Variants in STAG1 observed in about 807,000 individuals in gnomAD.
STAG1 encodes STAG1 cohesin complex component.
Under a neutral mutation model 170.9 loss-of-function variants are expected in STAG1, and 26 were observed. The observed-to-expected ratio is 0.15, with a 90% CI of 0.11 to 0.21. The LOEUF is 0.21. STAG1 is among the 10% of genes least tolerant of loss of function. The probability of loss-of-function intolerance (pLI) is 1.00; values close to 1 mark genes in which losing one functional copy is unlikely to be tolerated. For missense variants in STAG1, 964 were observed against 1,509.5 expected (o/e 0.64, Z 5.99); for synonymous variants, 514 against 497.7 (o/e 1.03, Z -0.44).
At chr3:136,566,707 A>G (rs1296461127) in intron 5 of STAG1, among the ~76,000 whole-genome samples, 1 of 152,222 alleles carries the variant, frequency 6.6e-6, no homozygotes, top group Non-Finnish European at 1.5e-5. Context: ...CCTATAGCTG[A>G]CGATTTGGCA....
intron 1 of STAG1, chr3:136,737,249 G>A (rs778906166): frequency 7.5e-5 from 46 of 617,394 alleles, no homozygotes; most frequent in African/African-American, 1.6e-4. Flanking sequence ...CAGCCACCAC[G>A]TGACCCCCAT....
chr3:136,591,564 A>C (rs544049005), intron 4 of STAG1: 2 of 442,096 alleles, frequency 4.5e-6, no homozygotes, highest in Admixed American at 5.0e-5. Context: ...TTGAAAAAAA[A>C]AAAAAAATTA....
chr3:136,563,552 T>G (rs1038573991), intron 5 of STAG1, among the ~76,000 whole-genome samples: 2 of 151,284 alleles, frequency 1.3e-5, no homozygotes, highest in African/African-American at 2.4e-5. Flanking sequence ...TCTCTCTCTC[T>G]CTCGCTCTTT....
chr3:136,514,413 C>T (rs930816303), intron 7 of STAG1, among the ~76,000 whole-genome samples: 1 of 152,200 alleles, frequency 6.6e-6, no homozygotes, highest in African/African-American at 2.4e-5. Context: ...CAGGAAACAA[C>T]AGATGCTAGA....
At chr3:136,463,770 T>TACACACAC (rs375928916) in intron 13 of STAG1, among the ~76,000 whole-genome samples, 9,304 of 126,216 alleles carry the variant, frequency 0.074, 428 homozygotes, top group Non-Finnish European at 0.11. Flanking sequence ...TGTGTGTGTA[T>TACACACAC]ACACACACAC....
intron 5 of STAG1, among the ~76,000 whole-genome samples, chr3:136,545,041 TTTTA>T (rs1218361962): frequency 2.0e-5 from 3 of 152,048 alleles, no homozygotes; most frequent in South Asian, 2.1e-4. Flanking sequence ...TCATCTAACT[TTTTA>T]TTTTTTTATT....
At chr3:136,578,713 T>A (rs956128234) in intron 4 of STAG1, among the ~76,000 whole-genome samples, 4 of 152,234 alleles carry the variant, frequency 2.6e-5, no homozygotes, top group African/African-American at 9.6e-5. Context: ...GCCATTGCAG[T>A]CCACCAGTTA....
rs115673357 is a variant in STAG1, at chr3:136,401,371, T to C, written c.2197-2542A>G. Among the ~76,000 whole-genome samples the C allele has an allele frequency of 8.5e-3, 1,299 of 152,278 alleles. 21 individuals carry two copies. Among genetic ancestry groups the C allele is most frequent in the African/African-American group, 0.03 (1,243 of 41,558 alleles). The stretch of plus-strand genomic sequence containing the variant: ...TTCTGATATTTGTCTCTCTGGAAAA[T>C]AGGGACAAAATCCTATTCCTGATGC... On this transcript the variant is annotated intron_variant, in intron 21 of 33. Coordinates refer to ENST00000383202, the MANE Select transcript of STAG1 (RefSeq NM_005862.3).
chr3:136,384,180 G>A (rs1297759018), intron 22 of STAG1, among the ~76,000 whole-genome samples: 1 of 152,046 alleles, frequency 6.6e-6, no homozygotes, highest in African/African-American at 2.4e-5. Context: ...GCTGGGTGTG[G>A]TGGCTCATGC....
At chr3:136,411,868 C>G (rs900243466) in intron 21 of STAG1, among the ~76,000 whole-genome samples, 8 of 151,052 alleles carry the variant, frequency 5.3e-5, no homozygotes, top group Non-Finnish European at 1.5e-5. Flanking sequence ...TTGCTTGAAC[C>G]CGGGAGGCGG....
chr3:136,541,401 C>T (rs1935892081), intron 6 of STAG1, among the ~76,000 whole-genome samples: 2 of 152,038 alleles, frequency 1.3e-5, no homozygotes, highest in Admixed American at 1.3e-4. Context: ...TTTACAATCA[C>T]TGTAAAACTG....
At chr3:136,615,424 CAAAAAAAAAAAAA>C (rs35713077) in intron 3 of STAG1, among the ~76,000 whole-genome samples, 549 of 33,278 alleles carry the variant, frequency 0.016, 12 homozygotes, top group Non-Finnish European at 0.02. Flanking sequence ...AGACTTTGTC[CAAAAAAAAAAAAA>C]AAAAAAAAAA....
At chr3:136,747,044 C>T (rs982358059) in intron 1 of STAG1, among the ~76,000 whole-genome samples, 1 of 136,946 alleles carries the variant, frequency 7.3e-6, no homozygotes, top group Non-Finnish European at 1.5e-5. Context: ...TGCAGTGAGC[C>T]GAGATTGCAC....
At chr3:136,404,863 A>ATG (rs34596713) in intron 21 of STAG1, among the ~76,000 whole-genome samples, 36,016 of 148,822 alleles carry the variant, frequency 0.24, 4,896 homozygotes, top group Non-Finnish European at 0.32. Context: ...TTATGCATAT[A>ATG]TGTGTGTGTG....
chr3:136,472,934 TG>T (rs2089662066), intron 11 of STAG1, among the ~76,000 whole-genome samples: 1 of 152,172 alleles, frequency 6.6e-6, no homozygotes, highest in Non-Finnish European at 1.5e-5. Flanking sequence ...TGTTAGGAAC[TG>T]GGCCACACAG....
At chr3:136,525,006 A>C (rs1030122127) in intron 6 of STAG1, among the ~76,000 whole-genome samples, 3 of 152,178 alleles carry the variant, frequency 2.0e-5, no homozygotes, top group African/African-American at 7.2e-5. Context: ...CCGGTATTTT[A>C]TTGAGGACTT....
At chr3:136,668,753 G>A (rs1941892792) in intron 1 of STAG1, among the ~76,000 whole-genome samples, 1 of 152,144 alleles carries the variant, frequency 6.6e-6, no homozygotes, top group Non-Finnish European at 1.5e-5. Flanking sequence ...GGAGGGAGCT[G>A]CCTGAGGAGA....
intron 1 of STAG1, chr3:136,721,561 A>T (rs1372981732): frequency 1.3e-5 from 2 of 152,180 alleles, no homozygotes; most frequent in Admixed American, 1.3e-4. Context: ...GGTGAAGTTA[A>T]ATAATTTGGT....
chr3:136,558,132 C>T (rs1936698215), intron 5 of STAG1, among the ~76,000 whole-genome samples: 1 of 152,206 alleles, frequency 6.6e-6, no homozygotes, highest in African/African-American at 2.4e-5. Context: ...TGGCTCATGC[C>T]TGTAATCCCA....
Sources: allele counts gnomAD v4.1 joint callset (sites outside exome capture counted in the v4.1 genomes callset), GRCh38; gene constraint gnomAD v4.1.1; transcripts MANE v1.5; gene names NCBI Gene and HGNC (gene_info 2026-07-23, HGNC 2026-07-21).